Variants in ALK observed in about 807,000 individuals in gnomAD.
ALK encodes the protein ALK receptor tyrosine kinase.
ALK carries 74 observed loss-of-function variants against 163.1 expected under a neutral mutation model. That is an observed-to-expected ratio of 0.45 (90% CI 0.38 to 0.55). The LOEUF is 0.55. Ranked by LOEUF, ALK falls within the 20% of genes least tolerant of loss-of-function variation. The pLI is 0.00. For synonymous variants in ALK, 960 were observed against 843.2 expected, an observed-to-expected ratio of 1.14 and a Z score of -2.40; for missense variants, 2,063 against 2,105.3, an observed-to-expected ratio of 0.98 and a Z score of 0.39.
intron 5 of ALK, among the ~76,000 whole-genome samples, chr2:29,376,197 C>T (rs1186629591): frequency 6.6e-6 from 1 of 152,162 alleles, no homozygotes; most frequent in Admixed American, 6.5e-5. Flanking sequence ...TACTCTTAGT[C>T]TGTAAGAGAA....
At chr2:29,578,103 A>G (rs1674576417) in intron 3 of ALK, among the ~76,000 whole-genome samples, 2 of 152,124 alleles carry the variant, frequency 1.3e-5, no homozygotes, top group Admixed American at 1.3e-4. Context: ...CCAGTGGGAG[A>G]TAACTGAATC....
In ALK at chr2:29,193,903, G is replaced by A. The variant is rs1060500220; in HGVS notation, c.4184C>T (p.Thr1395Ile). 2.5e-6 allele frequency: 4 copies of A among 1,614,046 alleles called. No individual in the cohort carries two copies. The highest frequency in any genetic ancestry group is 2.7e-5 in the African/African-American group (2 of 74,922). The change falls in exon 29 of 29, where the codon ACC becomes ATC. Residue 1395 changes from threonine to isoleucine, a missense_variant. Transcript: ENST00000389048. ...TGGACCATATTCTATCGGCAAAGCG[G>A]TGTTGATTACATCCGGGTCCTGCCG... is the stretch of plus-strand genomic sequence containing the variant. ...YCTQDPDVIN[T>I]ALPIEYGPLV...
intron 4 of ALK, among the ~76,000 whole-genome samples, chr2:29,458,457 C>T (rs1671011721): frequency 1.3e-5 from 2 of 152,114 alleles, no homozygotes; most frequent in African/African-American, 2.4e-5. Context: ...AAGGAGATGT[C>T]GCTAATCATT....
chr2:29,797,134 C>A (rs114757528), intron 1 of ALK, among the ~76,000 whole-genome samples: 1 of 151,892 alleles, frequency 6.6e-6, no homozygotes, highest in Non-Finnish European at 1.5e-5. Context: ...ATCCTAGCAA[C>A]CTTTCTTTAG....
chr2:29,359,103 TA>T (rs35337085), intron 5 of ALK, among the ~76,000 whole-genome samples: 11 of 149,082 alleles, frequency 7.4e-5, no homozygotes, highest in Admixed American at 2.7e-4. Context: ...CTATGGTAAT[TA>T]AAAAAAAAAA....
At position 29,228,917 on chromosome 2, in the gene ALK, A is replaced by AAC; in HGVS notation, c.2781_2782insGT (p.Cys928ValfsTer12). ...CCTCCGCCTCCTCCACCTGAGGAGC[A>AAC]CCCCCCTCCACCCCCTCCGAAACCC... On this transcript the variant is annotated frameshift_variant, in exon 16 of 29. Transcript: ENST00000389048. LOFTEE classifies it high-confidence loss of function. 1.0e-5 allele frequency: 14 copies of AAC among 1,374,976 alleles called. No individual in the cohort carries two copies. Among genetic ancestry groups the AAC allele is most frequent in the Middle Eastern group, 1.8e-4 (1 of 5,474 alleles). The allele number at this position is 1,374,976 out of a possible 1,614,324, so 85.2% of individuals were successfully genotyped here.
chr2:29,513,585 A>G (rs2148142755), intron 4 of ALK, among the ~76,000 whole-genome samples: 1 of 152,142 alleles, frequency 6.6e-6, no homozygotes, highest in East Asian at 1.9e-4. Flanking sequence ...GGACTTAGGC[A>G]CGGGCAAGGA....
At chr2:29,919,811 C>G (rs909104528) in intron 1 of ALK, among the ~76,000 whole-genome samples, 182 bp downstream of exon 1, 1 of 152,148 alleles carries the variant, frequency 6.6e-6, no homozygotes, top group Non-Finnish European at 1.5e-5. Context: ...CCCTGAACTG[C>G]GTTCAGGGAG....
At chr2:29,491,432 A>C (rs1333542832) in intron 4 of ALK, among the ~76,000 whole-genome samples, 1 of 152,206 alleles carries the variant, frequency 6.6e-6, no homozygotes, top group Non-Finnish European at 1.5e-5. Flanking sequence ...TCTACTCTCC[A>C]TCTATCCCAT....
intron 3 of ALK, among the ~76,000 whole-genome samples, chr2:29,538,496 G>A (rs1269754889): frequency 6.6e-6 from 1 of 152,012 alleles, no homozygotes; most frequent in Non-Finnish European, 1.5e-5. Flanking sequence ...GTTTCCTGAG[G>A]CCCTCACTCA....
intron 25 of ALK, chr2:29,208,035 T>C (rs1013284521): frequency 2.2e-6 from 1 of 454,104 alleles, no homozygotes; most frequent in South Asian, 1.6e-5. Flanking sequence ...ATTTAGTATG[T>C]ATCAGGTACT....
chr2:29,691,202 C>T (rs913080910), intron 3 of ALK, among the ~76,000 whole-genome samples: 2 of 152,232 alleles, frequency 1.3e-5, no homozygotes, highest in Non-Finnish European at 2.9e-5. Flanking sequence ...CCAAACACCT[C>T]TCAGTGCCAT....
intron 9 of ALK, among the ~76,000 whole-genome samples, chr2:29,289,388 T>G (rs1464958330): frequency 6.6e-6 from 1 of 152,162 alleles, no homozygotes; most frequent in Non-Finnish European, 1.5e-5. Context: ...ACTTGATGGG[T>G]TTAGTCAATG....
At chr2:29,280,461 G>A (rs1665683667) in intron 9 of ALK, among the ~76,000 whole-genome samples, 1 of 151,930 alleles carries the variant, frequency 6.6e-6, no homozygotes, top group African/African-American at 2.4e-5. Flanking sequence ...GGGACCGGGG[G>A]TTAGTTCTAG....
chr2:29,429,230 C>T (rs1169748496), intron 4 of ALK, among the ~76,000 whole-genome samples: 1 of 151,956 alleles, frequency 6.6e-6, no homozygotes, highest in Non-Finnish European at 1.5e-5. Flanking sequence ...TTCTATTGAA[C>T]ATTATACTGG....
intron 1 of ALK, among the ~76,000 whole-genome samples, chr2:29,812,833 G>C (rs1664792534): frequency 6.6e-6 from 1 of 152,148 alleles, no homozygotes; most frequent in Non-Finnish European, 1.5e-5. Flanking sequence ...CATGTGTTAG[G>C]ACTGAGCTGG....
chr2:29,887,595 T>A (rs749821463), intron 1 of ALK, among the ~76,000 whole-genome samples: 1 of 152,196 alleles, frequency 6.6e-6, no homozygotes, highest in Non-Finnish European at 1.5e-5. Flanking sequence ...ATTTTTAAAC[T>A]GCCATCCTGG....
intron 1 of ALK, among the ~76,000 whole-genome samples, chr2:29,905,357 T>C (rs1205171063): frequency 6.6e-6 from 1 of 152,242 alleles, no homozygotes; most frequent in Non-Finnish European, 1.5e-5. Context: ...AGCACATAAA[T>C]AATCTCTGGT....
chr2:29,632,654 A>G (rs1211262502), intron 3 of ALK, among the ~76,000 whole-genome samples: 1 of 152,126 alleles, frequency 6.6e-6, no homozygotes, highest in African/African-American at 2.4e-5. Flanking sequence ...AACCCACTGT[A>G]TTAGTCCATT....
Sources: gnomAD v4.1 joint callset for allele counts (sites outside exome capture counted in the v4.1 genomes callset) on GRCh38, gnomAD v4.1.1 for gene constraint, MANE v1.5 for transcripts, NCBI Gene and HGNC (gene_info 2026-07-23, HGNC 2026-07-21) for gene names.